The following CDH13 variants were observed in gnomAD, a reference collection of about 807,000 sequenced individuals.
The protein encoded by CDH13 is cadherin-13.
Under a neutral mutation model 63.8 loss-of-function variants are expected in CDH13, and 24 were observed. The observed-to-expected ratio is 0.38, with a 90% confidence interval of 0.27 to 0.53. The LOEUF (loss-of-function observed/expected upper bound fraction) is 0.53, where lower values mean the gene tolerates loss of function less well. Among genes scored for constraint, CDH13 ranks in the 20% least tolerant of loss-of-function variants. The probability of loss-of-function intolerance (pLI) is 0.85; values close to 1 mark genes in which losing one functional copy is unlikely to be tolerated. For synonymous variants in CDH13, 503 were observed against 355.3 expected (o/e 1.42, Z -4.67); for missense variants, 1,049 against 903.1 (o/e 1.16, Z -2.07).
At chr16:83,618,144 G>A (rs574741774) in intron 8 of CDH13, among the ~76,000 whole-genome samples, 1 of 134,346 alleles carries the variant, frequency 7.4e-6, no homozygotes, top group South Asian at 2.3e-4. Flanking sequence ...AGCACTTGCG[G>A]CCAGGCATGG....
intron 2 of CDH13, among the ~76,000 whole-genome samples, chr16:83,001,227 C>T (rs965137649): frequency 6.6e-6 from 1 of 152,268 alleles, no homozygotes; most frequent in African/African-American, 2.4e-5. Context: ...AGGCAAGTAA[C>T]TTACGTTTGC....
At chr16:83,604,246 C>T (rs764967092) in intron 8 of CDH13, among the ~76,000 whole-genome samples, 85 of 152,230 alleles carry the variant, frequency 5.6e-4, no homozygotes, top group Non-Finnish European at 5.0e-4. Context: ...GCAAAGTCCA[C>T]GGGAGCTTGA....
intron 1 of CDH13, among the ~76,000 whole-genome samples, chr16:82,728,815 C>T (rs1054580523): frequency 1.3e-5 from 2 of 152,138 alleles, no homozygotes; most frequent in African/African-American, 4.8e-5. Context: ...AGCATTTTAC[C>T]CACAGTAGAA....
chr16:83,391,350 T>C (rs1413379873), intron 6 of CDH13, among the ~76,000 whole-genome samples: 2 of 151,742 alleles, frequency 1.3e-5, no homozygotes, highest in Non-Finnish European at 2.9e-5. Flanking sequence ...GGATTACAGG[T>C]GCCTACCACC....
chr16:83,141,558 T>C (rs2036530659), intron 4 of CDH13, among the ~76,000 whole-genome samples: 3 of 152,220 alleles, frequency 2.0e-5, no homozygotes, highest in Non-Finnish European at 2.9e-5. Context: ...TGTGCAGGTT[T>C]GTTACATAGG....
At chr16:83,321,808 G>A (rs1163689193) in intron 5 of CDH13, among the ~76,000 whole-genome samples, 1 of 152,170 alleles carries the variant, frequency 6.6e-6, no homozygotes, top group Non-Finnish European at 1.5e-5. Context: ...GATTACAGGC[G>A]TGAGCTCTGC....
chr16:83,364,221 C>T (rs989395114), intron 6 of CDH13, among the ~76,000 whole-genome samples: 1 of 152,026 alleles, frequency 6.6e-6, no homozygotes, highest in African/African-American at 2.4e-5. Context: ...ATAATAAGTC[C>T]ACATACAAAA....
At chr16:83,079,949 C>T (rs990994690) in intron 3 of CDH13, among the ~76,000 whole-genome samples, 4 of 152,166 alleles carry the variant, frequency 2.6e-5, no homozygotes, top group Admixed American at 1.3e-4. Context: ...AAAGTTGAGT[C>T]GCACATTTCA....
intron 1 of CDH13, among the ~76,000 whole-genome samples, chr16:82,649,868 G>A (rs928562541): frequency 2.6e-5 from 4 of 152,156 alleles, no homozygotes; most frequent in Non-Finnish European, 5.9e-5. Flanking sequence ...TGTTGAATGG[G>A]AAAAGAGTAA....
intron 4 of CDH13, among the ~76,000 whole-genome samples, chr16:83,185,288 G>C (rs772389083): frequency 6.6e-6 from 1 of 152,078 alleles, no homozygotes; most frequent in African/African-American, 2.4e-5. Flanking sequence ...ATGTGAAAAA[G>C]AAATAAGAAT....
chr16:83,791,573 G>T (rs1428867699), intron 13 of CDH13, among the ~76,000 whole-genome samples: 2 of 152,120 alleles, frequency 1.3e-5, no homozygotes, highest in Non-Finnish European at 2.9e-5. Context: ...AGCACTTTGG[G>T]AGGCCGAGGT....
chr16:82,862,950 C>G (rs1399997807), intron 2 of CDH13, among the ~76,000 whole-genome samples: 3 of 152,144 alleles, frequency 2.0e-5, no homozygotes, highest in Admixed American at 1.3e-4. Context: ...ATAAGAAAGA[C>G]TATGAGGAGG....
At chr16:83,768,188 A>G (rs1404422146) in intron 11 of CDH13, among the ~76,000 whole-genome samples, 1 of 152,182 alleles carries the variant, frequency 6.6e-6, no homozygotes, top group Non-Finnish European at 1.5e-5. Context: ...TTAAATTAGG[A>G]TCACACTATG....
At chr16:83,341,643 A>G (rs116044544) in intron 5 of CDH13, among the ~76,000 whole-genome samples, 2,440 of 152,252 alleles carry the variant, frequency 0.016, 65 homozygotes, top group African/African-American at 0.055. Flanking sequence ...CTGCCTTCCC[A>G]GGGACTCATA....
intron 7 of CDH13, among the ~76,000 whole-genome samples, chr16:83,500,324 C>T (rs766250765): frequency 0.35 from 190 of 538 alleles, 89 homozygotes; most frequent in East Asian, 1. Context: ...CCTTCTCCTC[C>T]TCCTCCTCCT....
chr16:83,606,133 GT>G (rs1049166951), intron 8 of CDH13, among the ~76,000 whole-genome samples: 2 of 152,164 alleles, frequency 1.3e-5, no homozygotes, highest in African/African-American at 4.8e-5. Context: ...GAAAATCAAG[GT>G]TTAGTCATTC....
At chr16:83,470,705 C>T (rs928825405) in intron 6 of CDH13, among the ~76,000 whole-genome samples, 18 of 152,180 alleles carry the variant, frequency 1.2e-4, no homozygotes, top group South Asian at 2.1e-4. Flanking sequence ...GCAGATAACA[C>T]GCCTAGCCCA....
chr16:83,135,752 T>C (rs938807726), intron 4 of CDH13, among the ~76,000 whole-genome samples: 2 of 152,140 alleles, frequency 1.3e-5, no homozygotes, highest in African/African-American at 4.8e-5. Flanking sequence ...CAACTCACAA[T>C]TGCAAAATCA....
At chr16:83,180,935 A>G (rs745848529) in intron 4 of CDH13, 12 of 1,531,838 alleles carry the variant, frequency 7.8e-6, no homozygotes, top group East Asian at 2.4e-5. Context: ...ATTTAAATCC[A>G]TGCATTACAA....
Sources: gnomAD v4.1 joint callset for allele counts (sites outside exome capture counted in the v4.1 genomes callset) on GRCh38, gnomAD v4.1.1 for gene constraint, MANE v1.5 for transcripts, NCBI Gene and HGNC (gene_info 2026-07-23, HGNC 2026-07-21) for gene names.